The following GABRB2 variants were observed in gnomAD, a reference collection of about 807,000 sequenced individuals.
GABRB2 encodes the protein gamma-aminobutyric acid receptor subunit beta-2.
GABRB2 carries 16 observed loss-of-function variants against 54.7 expected under a neutral mutation model. The observed-to-expected ratio is 0.29, with a 90% CI of 0.20 to 0.44. The LOEUF is 0.44. Among genes scored for constraint, GABRB2 ranks in the 20% least tolerant of loss-of-function variants. GABRB2 has a pLI of 1.00. For missense variants in GABRB2, 355 were observed against 644.0 expected (o/e 0.55, Z 4.86); for synonymous variants, 244 against 233.8 (o/e 1.04, Z -0.40).
chr5:161,346,411 A>G (rs1754319394), intron 5 of GABRB2, among the ~76,000 whole-genome samples: 1 of 152,174 alleles, frequency 6.6e-6, no homozygotes. Flanking sequence ...AGATGTTTAA[A>G]TTAACAAGGC....
chr5:161,390,043 A>G (rs1319347061), intron 5 of GABRB2, among the ~76,000 whole-genome samples: 1 of 152,094 alleles, frequency 6.6e-6, no homozygotes, highest in African/African-American at 2.4e-5. Flanking sequence ...TAGGCAACAT[A>G]TATTACTTGG....
chr5:161,446,725 T>C (rs955214983), intron 4 of GABRB2, among the ~76,000 whole-genome samples: 2 of 152,154 alleles, frequency 1.3e-5, no homozygotes, highest in Admixed American at 6.6e-5. Flanking sequence ...CTATTTTGGA[T>C]TGAGAGTCAT....
At chr5:161,472,509 AAATT>A (rs2113301130) in intron 3 of GABRB2, among the ~76,000 whole-genome samples, 1 of 151,612 alleles carries the variant, frequency 6.6e-6, no homozygotes, top group African/African-American at 2.4e-5. Context: ...TACATAAAAT[AAATT>A]ATTTCTCGGG....
At chr5:161,339,317 T>G (rs975848603) in intron 5 of GABRB2, among the ~76,000 whole-genome samples, 1 of 152,164 alleles carries the variant, frequency 6.6e-6, no homozygotes, top group Admixed American at 6.6e-5. Flanking sequence ...AAGTAGCAAC[T>G]GCCATTTATT....
At chr5:161,413,439 T>G (rs1329608065) in intron 4 of GABRB2, among the ~76,000 whole-genome samples, 1 of 152,192 alleles carries the variant, frequency 6.6e-6, no homozygotes, top group Non-Finnish European at 1.5e-5. Context: ...ATTCTTATAT[T>G]CTATAAATTC....
At chr5:161,476,204 G>C (rs1365541564) in intron 3 of GABRB2, among the ~76,000 whole-genome samples, 2 of 151,808 alleles carry the variant, frequency 1.3e-5, no homozygotes, top group African/African-American at 4.8e-5. Context: ...GTATCAAAGA[G>C]AGTAAAATAC....
intron 9 of GABRB2, among the ~76,000 whole-genome samples, chr5:161,309,280 A>C (rs1757789650): frequency 6.6e-6 from 1 of 152,252 alleles, no homozygotes; most frequent in African/African-American, 2.4e-5. Flanking sequence ...TGATTATTGG[A>C]GAAATGCAAA....
intron 3 of GABRB2, among the ~76,000 whole-genome samples, chr5:161,480,346 G>C (rs997491823): frequency 2.6e-5 from 4 of 151,960 alleles, no homozygotes; most frequent in African/African-American, 7.2e-5. Context: ...TAATAATAGA[G>C]AGATGATGTT....
chr5:161,451,966 A>G (rs1757800721), intron 4 of GABRB2, among the ~76,000 whole-genome samples: 1 of 152,186 alleles, frequency 6.6e-6, no homozygotes, highest in Non-Finnish European at 1.5e-5. Context: ...TCATGATTCA[A>G]CGAAGATTTT....
chr5:161,474,177 A>C (rs1006545522), intron 3 of GABRB2, among the ~76,000 whole-genome samples: 1 of 151,974 alleles, frequency 6.6e-6, no homozygotes, highest in African/African-American at 2.4e-5. Flanking sequence ...GCTTTTCCTT[A>C]TCAGAGCTTG....
chr5:161,386,557 T>A (rs1305351626), intron 5 of GABRB2, among the ~76,000 whole-genome samples: 1 of 152,268 alleles, frequency 6.6e-6, no homozygotes, highest in African/African-American at 2.4e-5. Flanking sequence ...CTTTTTAAAA[T>A]TTTTTTGAGA....
At chr5:161,430,625 A>G (rs17059452) in intron 4 of GABRB2, among the ~76,000 whole-genome samples, 4,330 of 152,232 alleles carry the variant, frequency 0.028, 178 homozygotes, top group East Asian at 0.17. Flanking sequence ...ATAACATGCT[A>G]TCATGACCAT....
chr5:161,529,882 T>C (rs1760404305), intron 3 of GABRB2, among the ~76,000 whole-genome samples: 1 of 152,136 alleles, frequency 6.6e-6, no homozygotes, highest in Non-Finnish European at 1.5e-5. Flanking sequence ...TATAAACACA[T>C]TCTTACATGG....
intron 4 of GABRB2, among the ~76,000 whole-genome samples, chr5:161,413,618 T>C (rs1466859249): frequency 1.3e-5 from 2 of 152,190 alleles, no homozygotes; most frequent in African/African-American, 4.8e-5. Context: ...CAGAGATCTT[T>C]ACTATAGAGA....
intron 4 of GABRB2, among the ~76,000 whole-genome samples, chr5:161,452,253 A>G (rs1757809775): frequency 1.3e-5 from 2 of 152,174 alleles, no homozygotes; most frequent in Non-Finnish European, 2.9e-5. Flanking sequence ...ATACCGTTTT[A>G]TGCGTAATGA....
intron 9 of GABRB2, among the ~76,000 whole-genome samples, chr5:161,312,221 C>T (rs918208204): frequency 1.3e-5 from 2 of 152,090 alleles, no homozygotes; most frequent in African/African-American, 2.4e-5. Flanking sequence ...AGTGAGTATT[C>T]GTCAAATGCA....
At chr5:161,538,529 A>C (rs1760713020) in intron 3 of GABRB2, among the ~76,000 whole-genome samples, 3 of 152,256 alleles carry the variant, frequency 2.0e-5, no homozygotes, top group Non-Finnish European at 1.5e-5. Flanking sequence ...CTATAAGAAT[A>C]GTAAACGCCT....
At chr5:161,326,234 A>T in intron 9 of GABRB2, 134 bp downstream of exon 9, 1 of 1,267,902 alleles carries the variant, frequency 7.9e-7, no homozygotes, top group Non-Finnish European at 1.0e-6. Context: ...AAAAGTTTTA[A>T]CTTATCCCCA....
intron 4 of GABRB2, among the ~76,000 whole-genome samples, chr5:161,434,545 C>CT (rs1757257634): frequency 6.6e-6 from 1 of 152,020 alleles, no homozygotes; most frequent in Non-Finnish European, 1.5e-5. Flanking sequence ...TCTTCCTTTA[C>CT]TTTCATTCAT....
Sources: gnomAD v4.1 joint callset for allele counts (sites outside exome capture counted in the v4.1 genomes callset) on GRCh38, gnomAD v4.1.1 for gene constraint, MANE v1.5 for transcripts, NCBI Gene and HGNC (gene_info 2026-07-23, HGNC 2026-07-21) for gene names.